Variants in NICN1 observed in about 807,000 individuals in gnomAD.
NICN1 encodes nicolin 1, tubulin polyglutamylase complex subunit.
A neutral mutation model predicts 26.3 loss-of-function variants in NICN1; 18 were observed. The observed-to-expected ratio is 0.68, with a 90% CI of 0.47 to 1.01. The LOEUF is 1.01. Ranked by LOEUF, NICN1 falls within the 50% of genes least tolerant of loss-of-function variation. The pLI is 0.00. For synonymous variants in NICN1, 109 were observed against 111.0 expected (o/e 0.98, Z 0.11); for missense variants, 239 against 278.3 (o/e 0.86, Z 1.00).
rs749212851 is a variant in NICN1 at position 49,424,938 on chromosome 3, C to T, written c.600+11G>A. On this transcript the variant is annotated intron_variant, in intron 5 of 5. Coordinates refer to ENST00000273598, the MANE Select transcript of NICN1 (RefSeq NM_032316.3). ...GCAAAGCAAGCCAAGCAGAAGGAAGCGATTACTTACATCAAAGCGGCCGAT... is the reference window on the plus strand; with the variant it reads ...GCAAAGCAAGCCAAGCAGAAGGAAGTGATTACTTACATCAAAGCGGCCGAT... The T allele has an allele frequency of 1.6e-5, 26 of 1,613,336 alleles. No individual in the cohort carries two copies. Among genetic ancestry groups the T allele is most frequent in the Middle Eastern group, 3.3e-4 (2 of 6,080 alleles).
In NICN1 at chr3:49,424,749, C is replaced by T. The variant is rs1191146808; in HGVS notation, c.*84G>A. Reference sequence around the variant, plus strand: ...GCATGCAGGCAACACTTGGAATGCACAGGAAATACACTTCAGCCTCTGGTG... The same window carrying T: ...GCATGCAGGCAACACTTGGAATGCATAGGAAATACACTTCAGCCTCTGGTG... On this transcript the variant is annotated 3_prime_UTR_variant, in exon 6 of 6. Transcript: ENST00000273598. 9.0e-7 allele frequency: 1 copy of T among 1,109,504 alleles called. No individual in the cohort carries two copies. Among genetic ancestry groups the T allele is most frequent in the East Asian group, 2.3e-5 (1 of 42,678 alleles). The allele number at this position is 1,109,504 out of a possible 1,614,324, so 68.7% of individuals were successfully genotyped here.
At position 49,423,927 on chromosome 3, in the gene NICN1, G is replaced by T. The variant is rs549556191; in HGVS notation, c.*906C>A. On this transcript the variant is annotated 3_prime_UTR_variant, in exon 6 of 6. Transcript: ENST00000273598. ...AGTGCAATGGCATGATCTCAGGTCC[G>T]CAACCTCCACTTCCCGGGTTCAAGA... 6.6e-6 allele frequency: 1 copy of T among 151,716 alleles called. No individual in the cohort carries two copies. Among genetic ancestry groups the T allele is most frequent in the Non-Finnish European group, 1.5e-5 (1 of 67,978 alleles). 9.4% of individuals were successfully genotyped at this position (151,716 alleles called of 1,614,324 possible).
At chr3:49,427,852 A>C (rs1160169912) in intron 1 of NICN1, among the ~76,000 whole-genome samples, 1 of 152,104 alleles carries the variant, frequency 6.6e-6, no homozygotes, top group East Asian at 1.9e-4. Context: ...TAGTCTACTA[A>C]GTCAGGATTT....
At position 49,422,539 on chromosome 3, in the gene NICN1, G is replaced by A. The variant is rs1342433488; in HGVS notation, c.*2294C>T. 19 of 1,384,652 alleles carry A rather than the reference G, an allele frequency of 1.4e-5. No individual in the cohort carries two copies. Among genetic ancestry groups the A allele is most frequent in the Non-Finnish European group, 1.9e-5 (19 of 991,422 alleles). 85.8% of individuals were successfully genotyped at this position (1,384,652 alleles called of 1,614,324 possible). On this transcript the variant is annotated 3_prime_UTR_variant, in exon 6 of 6. Coordinates refer to ENST00000273598, the MANE Select transcript of NICN1 (RefSeq NM_032316.3). ...TGTAGTCCAGGCCTCTGCTCGGACAGGTCTCTCTCCGGAGCAAAGGATCTG... is the reference window on the plus strand; with the variant it reads ...TGTAGTCCAGGCCTCTGCTCGGACAAGTCTCTCTCCGGAGCAAAGGATCTG...
rs1553638927 is a variant in NICN1, at chr3:49,422,516, T to C, written c.*2317A>G. The C allele has an allele frequency of 6.6e-7, 1 of 1,513,048 alleles. No homozygotes were observed. The highest frequency in any genetic ancestry group is 1.8e-5 in the Admixed American group (1 of 54,940). The allele number at this position is 1,513,048 out of a possible 1,614,324, so 93.7% of individuals were successfully genotyped here. On this transcript the variant is annotated 3_prime_UTR_variant, in exon 6 of 6. Coordinates refer to ENST00000273598, the MANE Select transcript of NICN1 (RefSeq NM_032316.3). ...ACACTGCCAGGCACGCCGGGAGATG[T>C]AGTCCAGGCCTCTGCTCGGACAGGT...
At position 49,422,954 on chromosome 3, in the gene NICN1, A is replaced by C; in HGVS notation, c.*1879T>G. Reference sequence around the variant, plus strand: ...CAGGCAGCCAGCAGTCATGCATTCCACAAGTATTTATTGATCTTACTGCAT... The same window carrying C: ...CAGGCAGCCAGCAGTCATGCATTCCCCAAGTATTTATTGATCTTACTGCAT... On this transcript the variant is annotated 3_prime_UTR_variant, in exon 6 of 6. Transcript: ENST00000273598. The C allele has an allele frequency of 3.6e-6, 1 of 275,508 alleles. No homozygotes were observed. The allele number at this position is 275,508 out of a possible 1,614,324, so 17.1% of individuals were successfully genotyped here.
chr3:49,429,201 G>A lies in NICN1; in HGVS notation c.39C>T (p.Ser13=). 2 of 1,610,338 alleles carry A rather than the reference G, an allele frequency of 1.2e-6. No individual in the cohort carries two copies. Among genetic ancestry groups the A allele is most frequent in the African/African-American group, 1.3e-5 (1 of 74,684 alleles). The change falls in exon 1 of 6, where the codon TCC becomes TCT. Residue 13 remains serine, a synonymous_variant. Coordinates refer to ENST00000273598, the MANE Select transcript of NICN1 (RefSeq NM_032316.3). The part of the protein sequence containing the change: ...RVLVPCHVKG[S]VALQVGDVRT... ...GCACGTCGCCCACCTGGAGGGCTACGGAGCCTTTCACATGGCAAGGCACCA... is the reference window on the plus strand; with the variant it reads ...GCACGTCGCCCACCTGGAGGGCTACAGAGCCTTTCACATGGCAAGGCACCA...
chr3:49,424,374 G>A lies in NICN1; in HGVS notation c.*459C>T. On this transcript the variant is annotated 3_prime_UTR_variant, in exon 6 of 6. Coordinates refer to ENST00000273598, the MANE Select transcript of NICN1 (RefSeq NM_032316.3). ...ACAAATGGAAAGAAAACCACTAGGG[G>A]ACACACAGGAAGAAATAAGGTTTCT... 1 of 200,028 alleles carries A rather than the reference G, an allele frequency of 5.0e-6. No individual in the cohort carries two copies. The highest frequency in any genetic ancestry group is 1.0e-5 in the Non-Finnish European group (1 of 97,952). The allele number at this position is 200,028 out of a possible 1,614,324, so 12.4% of individuals were successfully genotyped here. A position where few individuals can be genotyped will look rare whatever the true frequency, so the allele number is the denominator to read the frequency against.
In NICN1 at chr3:49,425,354, G is replaced by T; in HGVS notation, c.495+13C>A. The T allele has an allele frequency of 6.2e-7, 1 of 1,605,208 alleles. No individual in the cohort carries two copies. Among genetic ancestry groups the T allele is most frequent in the Admixed American group, 1.7e-5 (1 of 59,296 alleles). On this transcript the variant is annotated intron_variant, in intron 4 of 5. Transcript: ENST00000273598. ...CCATTCACACATGGTTCTTACCTAG[G>T]GTGAGGGCTTACCTCACGGAGGAGT...
chr3:49,427,300 G>A (rs1209876977), intron 1 of NICN1, among the ~76,000 whole-genome samples: 3 of 149,398 alleles, frequency 2.0e-5, no homozygotes, highest in Non-Finnish European at 3.0e-5. Context: ...CAGCCTGGGC[G>A]CGACAGAGCA....
Position 49,427,909 on chromosome 3 carries a change from C to T in NICN1, c.132+1199G>A, listed in dbSNP as rs117600763. The stretch of plus-strand genomic sequence containing the variant: ...AAGTTTCCCATTTGATGGTAAGGAA[C>T]AGCTTGGGGGAGAACCACACACCAC... On this transcript the variant is annotated intron_variant, in intron 1 of 5. Coordinates refer to ENST00000273598, the MANE Select transcript of NICN1 (RefSeq NM_032316.3). Among the ~76,000 whole-genome samples, 77 of 152,194 alleles carry T rather than the reference C, an allele frequency of 5.1e-4. 1 individual carries two copies. The East Asian group carries it at 0.014, about 27-fold the overall frequency.
chr3:49,425,335 A>C (rs777846807), intron 4 of NICN1, 32 bp downstream of exon 4: 112 of 1,571,290 alleles, frequency 7.1e-5, no homozygotes, highest in Non-Finnish European at 9.3e-5. Context: ...AGAGCCATTC[A>C]CACATGGTTC....
chr3:49,422,449 A>G lies in NICN1; in HGVS notation c.*2384T>C, dbSNP rs1266259634. 1.2e-6 allele frequency: 2 copies of G among 1,612,980 alleles called. No homozygotes were observed. Among genetic ancestry groups the G allele is most frequent in the South Asian group, 2.2e-5 (2 of 91,014 alleles). On this transcript the variant is annotated 3_prime_UTR_variant, in exon 6 of 6. Coordinates refer to ENST00000273598, the MANE Select transcript of NICN1 (RefSeq NM_032316.3). ...GGCCACCACACTTACAGCCCTCTGC[A>G]TCGTCGCCTGCAACGAGTGCAGACG...
chr3:49,426,535 T>C (rs1475272544), intron 1 of NICN1, 107 bp from the exon 2 acceptor site: 4 of 862,812 alleles, frequency 4.6e-6, no homozygotes, highest in Admixed American at 2.8e-5. Context: ...TTTTCTTTTT[T>C]TTTTTTTTTT....
At chr3:49,426,493 A>G (rs6762593) in intron 1 of NICN1, 65 bp from the exon 2 acceptor site, 1,304,976 of 1,311,718 alleles carry the variant, frequency 0.99, 649,377 homozygotes, top group East Asian at 1. Flanking sequence ...AAGCTCAAAG[A>G]TCAAAGGTGC....
intron 1 of NICN1, 112 bp downstream of exon 1, chr3:49,428,996 G>A: frequency 2.0e-6 from 2 of 1,017,134 alleles, no homozygotes; most frequent in Non-Finnish European, 1.4e-6. Context: ...ATTTGCAAGG[G>A]CAAGGAAGAC....
chr3:49,426,601 C>A (rs1193912517), intron 1 of NICN1, among the ~76,000 whole-genome samples, 173 bp from the exon 2 acceptor site: 1 of 150,788 alleles, frequency 6.6e-6, no homozygotes, highest in Admixed American at 6.6e-5. Context: ...GATCTCAGCT[C>A]ACTGCAACCT....
rs781590175 is a variant in NICN1, at chr3:49,424,988, G to A, written c.561C>T (p.Ile187=). 2.7e-5 allele frequency: 43 copies of A among 1,613,982 alleles called. No individual in the cohort carries two copies. The highest frequency in any genetic ancestry group is 5.0e-5 in the Admixed American group (3 of 59,986). Residue 187 remains isoleucine (I), a synonymous_variant, in exon 5 of 6, where the codon ATC becomes ATT. Coordinates refer to ENST00000273598, the MANE Select transcript of NICN1 (RefSeq NM_032316.3). ...TCCTTGCGGAGGTGTGACTGGCCCG[G>A]ATCATCTCTGTCAGTGCCCACATCT... ...VQQMWALTEM[I]RASHTSARIG...
intron 1 of NICN1, 98 bp from the exon 2 acceptor site, chr3:49,426,526 TTTC>T: frequency 1.2e-6 from 1 of 865,102 alleles, no homozygotes; most frequent in African/African-American, 1.7e-5. Flanking sequence ...CTCCCCACCT[TTTC>T]TTTTTTTTTT....
Sources: allele counts gnomAD v4.1 joint callset (sites outside exome capture counted in the v4.1 genomes callset), GRCh38; gene constraint gnomAD v4.1.1; transcripts MANE v1.5; gene names NCBI Gene and HGNC (gene_info 2026-07-23, HGNC 2026-07-21).